CHST3: variants seen among roughly 807,000 people sequenced by gnomAD.
CHST3 encodes the protein C6ST-1.
In CHST3, 20 loss-of-function variants were observed where a neutral mutation model predicts 35.4. The observed-to-expected ratio is 0.57, with a 90% CI of 0.40 to 0.82. CHST3 has a LOEUF of 0.82. Among genes scored for constraint, CHST3 ranks in the 40% least tolerant of loss-of-function variants. The pLI is 0.00. For missense variants in CHST3, 693 were observed against 670.1 expected (o/e 1.03, Z -0.38); for synonymous variants, 334 against 295.9 (o/e 1.13, Z -1.32).
At chr10:71,995,130 C>T (rs1273502283) in intron 1 of CHST3, among the ~76,000 whole-genome samples, 1 of 152,088 alleles carries the variant, frequency 6.6e-6, no homozygotes, top group Non-Finnish European at 1.5e-5. Context: ...TCATTTCCTT[C>T]AAGAACTTTT....
intron 1 of CHST3, among the ~76,000 whole-genome samples, chr10:71,967,807 CTGTTTTT>C (rs1564522862): frequency 1.3e-5 from 2 of 152,098 alleles, no homozygotes; most frequent in South Asian, 4.2e-4. Context: ...TATAAGCACT[CTGTTTTT>C]TGTTTTTTGT....
At chr10:71,971,879 C>T (rs1839698625) in intron 1 of CHST3, among the ~76,000 whole-genome samples, 1 of 152,186 alleles carries the variant, frequency 6.6e-6, no homozygotes, top group Non-Finnish European at 1.5e-5. Flanking sequence ...CTGCCAGTCA[C>T]GAAGCAGTGT....
At chr10:71,995,253 C>G (rs578084759) in intron 1 of CHST3, among the ~76,000 whole-genome samples, 2 of 151,872 alleles carry the variant, frequency 1.3e-5, no homozygotes, top group South Asian at 4.2e-4. Context: ...GATGAAACCC[C>G]CTCTCTACTA....
intron 1 of CHST3, among the ~76,000 whole-genome samples, chr10:71,994,576 G>A (rs116923439): frequency 0.015 from 2,319 of 152,332 alleles, 21 homozygotes; most frequent in South Asian, 0.026. Flanking sequence ...GTCCCTAGGA[G>A]TTTTAGAAGG....
rs35366073 is a variant in CHST3, at chr10:71,997,682, A to ATTTTT, written c.-107-8039_-107-8035dup. 7.4e-5 allele frequency among the ~76,000 whole-genome samples: 10 copies of ATTTTT among 135,394 alleles called. 1 individual carries two copies. The highest frequency in any genetic ancestry group is 1.4e-4 in the African/African-American group (5 of 36,640). 88.8% of individuals were successfully genotyped at this position (135,394 alleles called of 152,430 possible). A position where few individuals can be genotyped will look rare whatever the true frequency, so the allele number is the denominator to read the frequency against. On this transcript the variant is annotated intron_variant, in intron 1 of 2. Transcript: ENST00000373115. ...ATGTAGAGAGACCCTGTCTCCATAA[A>ATTTTT]TTTTTTTTTTTTTTTTTTTGAGACG...
intron 1 of CHST3, among the ~76,000 whole-genome samples, chr10:71,966,071 G>A (rs1839629456): frequency 6.6e-6 from 1 of 152,148 alleles, no homozygotes; most frequent in African/African-American, 2.4e-5. Flanking sequence ...GCAGAGAGAG[G>A]GGTTGGTTCC....
chr10:71,989,010 A>G (rs192623011), intron 1 of CHST3, among the ~76,000 whole-genome samples: 7 of 152,212 alleles, frequency 4.6e-5, no homozygotes, highest in African/African-American at 1.7e-4. Flanking sequence ...AAAAATGTAA[A>G]AATTAGCCGG....
intron 1 of CHST3, among the ~76,000 whole-genome samples, chr10:71,989,940 T>C (rs1290878371): frequency 6.6e-6 from 1 of 152,258 alleles, no homozygotes; most frequent in East Asian, 1.9e-4. Flanking sequence ...TACAGAGTAT[T>C]GCACTGATAA....
chr10:72,001,584 C>T (rs1839994087), intron 1 of CHST3, among the ~76,000 whole-genome samples: 1 of 152,134 alleles, frequency 6.6e-6, no homozygotes, highest in African/African-American at 2.4e-5. Context: ...AGCAATTCTC[C>T]TGCCTCCGCC....
intron 1 of CHST3, among the ~76,000 whole-genome samples, chr10:71,965,218 G>C (rs1839618022): frequency 6.6e-6 from 1 of 152,220 alleles, no homozygotes; most frequent in Admixed American, 6.5e-5. Flanking sequence ...AGTTCTGCAG[G>C]AGCGAATTTG....
chr10:71,978,553 T>A (rs995467765), intron 1 of CHST3, among the ~76,000 whole-genome samples: 4 of 152,202 alleles, frequency 2.6e-5, no homozygotes, highest in African/African-American at 9.7e-5. Flanking sequence ...AGAGTAGTAA[T>A]CATAGTTAAC....
At chr10:71,968,744 G>A (rs1031327003) in intron 1 of CHST3, among the ~76,000 whole-genome samples, 1 of 152,136 alleles carries the variant, frequency 6.6e-6, no homozygotes, top group African/African-American at 2.4e-5. Context: ...GGAATCAAAG[G>A]CTGGGTGGTA....
chr10:71,989,274 C>A (rs550369204), intron 1 of CHST3, among the ~76,000 whole-genome samples: 3 of 152,172 alleles, frequency 2.0e-5, no homozygotes, highest in Non-Finnish European at 4.4e-5. Flanking sequence ...AAGACCCTGA[C>A]TCTCCAAAAA....
chr10:71,978,072 C>G (rs1301597139), intron 1 of CHST3, among the ~76,000 whole-genome samples: 10 of 152,170 alleles, frequency 6.6e-5, no homozygotes. Flanking sequence ...AGTCACTTGC[C>G]CGGTCACACT....
At chr10:71,990,577 G>C (rs948638186) in intron 1 of CHST3, among the ~76,000 whole-genome samples, 1 of 152,104 alleles carries the variant, frequency 6.6e-6, no homozygotes, top group Admixed American at 6.5e-5. Context: ...TGGTCAGGCT[G>C]GTCTCAAACT....
intron 1 of CHST3, among the ~76,000 whole-genome samples, chr10:71,983,815 TGAGGCAGGAAAATAGGGTCTA>T (rs1172134151): frequency 6.6e-6 from 1 of 152,160 alleles, no homozygotes; most frequent in Non-Finnish European, 1.5e-5. Context: ...GTTTTCCAGA[TGAGGCAGGAAAATAGGGTCTA>T]GAGGCAGGGA....
chr10:71,990,480 C>G (rs749280004), intron 1 of CHST3, among the ~76,000 whole-genome samples: 2 of 152,204 alleles, frequency 1.3e-5, no homozygotes, highest in African/African-American at 4.8e-5. Flanking sequence ...TCTCCTGCCT[C>G]AGCCTCCTGA....
At chr10:71,973,154 C>T (rs1010712522) in intron 1 of CHST3, among the ~76,000 whole-genome samples, 4 of 152,012 alleles carry the variant, frequency 2.6e-5, no homozygotes, top group Admixed American at 6.6e-5. Context: ...TCGTGGTGAG[C>T]GGGAGGGGTG....
intron 1 of CHST3, 50 bp downstream of exon 1, chr10:71,964,744 C>T (rs1475407777): frequency 2.6e-5 from 4 of 152,152 alleles, no homozygotes; most frequent in African/African-American, 9.6e-5. Flanking sequence ...CGGGGGAGGC[C>T]GCCCAGCCGG....
Sources: allele counts gnomAD v4.1 joint callset (sites outside exome capture counted in the v4.1 genomes callset), GRCh38; gene constraint gnomAD v4.1.1; transcripts MANE v1.5; gene names NCBI Gene and HGNC (gene_info 2026-07-23, HGNC 2026-07-21).